SHISA9: variants seen among roughly 807,000 people sequenced by gnomAD.
The protein encoded by SHISA9 is protein shisa-9.
A neutral mutation model predicts 38.0 loss-of-function variants in SHISA9; 13 were observed. That is an observed-to-expected ratio of 0.34 (90% CI 0.22 to 0.54). The LOEUF is 0.54. Among genes scored for constraint, SHISA9 ranks in the 20% least tolerant of loss-of-function variants. The pLI is 0.91. For synonymous variants in SHISA9, 275 were observed against 242.0 expected, an observed-to-expected ratio of 1.14 and a Z score of -1.27; for missense variants, 538 against 575.8, an observed-to-expected ratio of 0.93 and a Z score of 0.67.
At chr16:13,228,209 G>T (rs1182632985) in intron 4 of SHISA9, among the ~76,000 whole-genome samples, 3 of 152,106 alleles carry the variant, frequency 2.0e-5, no homozygotes, top group Admixed American at 1.3e-4. Flanking sequence ...CTCCACTCTT[G>T]CCCCAAGTAC....
intron 2 of SHISA9, among the ~76,000 whole-genome samples, chr16:13,156,000 G>C (rs566796168): frequency 6.6e-6 from 1 of 152,286 alleles, no homozygotes; most frequent in South Asian, 2.1e-4. Flanking sequence ...TGAGTGGGGT[G>C]GTGGGAATGT....
chr16:13,411,527 G>A, the SHISA9 span, among the ~76,000 whole-genome samples: 2 of 152,362 alleles, frequency 1.3e-5, no homozygotes, highest in African/African-American at 2.4e-5. Flanking sequence ...AGTCCAGGCC[G>A]GGAGGGCCTG....
intron 2 of SHISA9, among the ~76,000 whole-genome samples, chr16:13,187,150 G>A (rs918691079): frequency 2.0e-5 from 3 of 152,164 alleles, no homozygotes; most frequent in African/African-American, 7.2e-5. Context: ...GCAGACTCTG[G>A]AAGGCTAATT....
chr16:13,550,370 A>C, the SHISA9 span, among the ~76,000 whole-genome samples: 1 of 152,218 alleles, frequency 6.6e-6, no homozygotes, highest in Non-Finnish European at 1.5e-5. Context: ...CGCCACCTCA[A>C]ACCTTCTATA....
At chr16:13,477,315 G>T in the SHISA9 span, among the ~76,000 whole-genome samples, 1 of 152,166 alleles carries the variant, frequency 6.6e-6, no homozygotes, top group Non-Finnish European at 1.5e-5. Flanking sequence ...ACACAGACTG[G>T]GCAAAAGTTA....
chr16:13,154,584 A>G (rs1269717997), intron 2 of SHISA9, among the ~76,000 whole-genome samples: 1 of 152,248 alleles, frequency 6.6e-6, no homozygotes, highest in African/African-American at 2.4e-5. Context: ...GAGAAGAATC[A>G]TGAGTGAGCA....
chr16:13,340,259 T>G, the SHISA9 span, among the ~76,000 whole-genome samples: 24 of 152,182 alleles, frequency 1.6e-4, no homozygotes, highest in South Asian at 3.5e-3. Flanking sequence ...TGGCTTAACC[T>G]CCTATATTTG....
the SHISA9 span, among the ~76,000 whole-genome samples, chr16:13,468,323 G>C: frequency 6.6e-6 from 1 of 152,178 alleles, no homozygotes; most frequent in South Asian, 2.1e-4. Context: ...GGGGCAGGGA[G>C]ATGAGGTTCA....
At chr16:13,366,551 C>G in the SHISA9 span, among the ~76,000 whole-genome samples, 1 of 152,056 alleles carries the variant, frequency 6.6e-6, no homozygotes, top group Non-Finnish European at 1.5e-5. Context: ...TAGCAAGAAT[C>G]CAGGTTTTAG....
chr16:13,042,779 A>G (rs1159080875), intron 2 of SHISA9, among the ~76,000 whole-genome samples: 3 of 152,192 alleles, frequency 2.0e-5, no homozygotes, highest in Non-Finnish European at 2.9e-5. Context: ...GGCAAAAACT[A>G]TCTTATTTGT....
the SHISA9 span, among the ~76,000 whole-genome samples, chr16:13,255,881 A>C: frequency 8.5e-5 from 13 of 152,166 alleles, no homozygotes; most frequent in Non-Finnish European, 1.5e-5. Context: ...TAATAGAACA[A>C]ATTTTTCTCA....
chr16:13,104,228 T>C (rs2073905422), intron 2 of SHISA9, among the ~76,000 whole-genome samples: 1 of 152,150 alleles, frequency 6.6e-6, no homozygotes, highest in Admixed American at 6.5e-5. Flanking sequence ...TATAGTAGTA[T>C]TTAATAGTAT....
chr16:13,118,052 C>T (rs145213609), intron 2 of SHISA9, among the ~76,000 whole-genome samples: 1 of 151,976 alleles, frequency 6.6e-6, no homozygotes, highest in Non-Finnish European at 1.5e-5. Context: ...CATGGTGGTG[C>T]GTACCTTTAA....
the SHISA9 span, among the ~76,000 whole-genome samples, chr16:13,535,611 C>G: frequency 6.6e-6 from 1 of 152,196 alleles, no homozygotes; most frequent in Non-Finnish European, 1.5e-5. Context: ...CTCACAAAGT[C>G]TAAAATTCTT....
chr16:13,469,369 G>GAAAAGAA, the SHISA9 span, among the ~76,000 whole-genome samples: 309 of 66,392 alleles, frequency 4.7e-3, 1 homozygote, highest in Non-Finnish European at 6.3e-3. Context: ...AAAAGAAAAA[G>GAAAAGAA]AAAGAAAGAA....
chr16:13,059,756 A>G (rs2073352608), intron 2 of SHISA9, among the ~76,000 whole-genome samples: 1 of 152,152 alleles, frequency 6.6e-6, no homozygotes, highest in Non-Finnish European at 1.5e-5. Flanking sequence ...AGTTAGAATG[A>G]GGTCGTTAGG....
At chr16:13,074,725 T>C (rs1596630322) in intron 2 of SHISA9, among the ~76,000 whole-genome samples, 1 of 150,722 alleles carries the variant, frequency 6.6e-6, no homozygotes, top group Non-Finnish European at 1.5e-5. Context: ...AGTGCAATGG[T>C]GGGATCTCAG....
At chr16:13,084,303 G>A (rs888351504) in intron 2 of SHISA9, among the ~76,000 whole-genome samples, 2 of 152,134 alleles carry the variant, frequency 1.3e-5, no homozygotes, top group Non-Finnish European at 2.9e-5. Context: ...AACAGGCAAT[G>A]AAGGGAGCTG....
At chr16:13,396,725 C>G in the SHISA9 span, among the ~76,000 whole-genome samples, 1 of 152,148 alleles carries the variant, frequency 6.6e-6, no homozygotes, top group Non-Finnish European at 1.5e-5. Context: ...TTGAAAGGCT[C>G]TTCCCTTTCT....
Sources: allele counts gnomAD v4.1 joint callset (sites outside exome capture counted in the v4.1 genomes callset), GRCh38; gene constraint gnomAD v4.1.1; transcripts MANE v1.5; gene names NCBI Gene and HGNC (gene_info 2026-07-23, HGNC 2026-07-21).